Variants in CCSER1 observed in about 807,000 individuals in gnomAD.
CCSER1 encodes the protein serine-rich coiled-coil domain-containing protein 1.
In CCSER1, 41 loss-of-function variants were observed where a neutral mutation model predicts 82.0. The ratio of observed to expected loss-of-function variants is 0.50; its 90% CI spans 0.39 to 0.65. The LOEUF (loss-of-function observed/expected upper bound fraction) is 0.65, where lower values mean the gene tolerates loss of function less well. Ranked by LOEUF, CCSER1 falls within the 30% of genes least tolerant of loss-of-function variation. The pLI is 0.00. For synonymous variants in CCSER1, 414 were observed against 383.9 expected (o/e 1.08, Z -0.92); for missense variants, 1,119 against 1,064.2 (o/e 1.05, Z -0.72).
chr4:90,807,302 T>C (rs11932757), intron 7 of CCSER1, among the ~76,000 whole-genome samples: 51,770 of 152,068 alleles, frequency 0.34, 9,030 homozygotes, highest in East Asian at 0.42. Context: ...ATTTAGAGTC[T>C]AGGAGTATAA....
intron 10 of CCSER1, among the ~76,000 whole-genome samples, chr4:91,098,224 A>G (rs938096664): frequency 4.6e-5 from 7 of 152,216 alleles, no homozygotes; most frequent in African/African-American, 1.4e-4. Context: ...TGCCTTTGCT[A>G]ATAGACTTGG....
At chr4:91,228,733 T>G (rs1199680623) in intron 10 of CCSER1, among the ~76,000 whole-genome samples, 4 of 151,948 alleles carry the variant, frequency 2.6e-5, no homozygotes, top group Non-Finnish European at 5.9e-5. Flanking sequence ...CTTCACCTCA[T>G]AGCAAAAAAA....
chr4:90,891,463 G>T (rs1722962523), intron 8 of CCSER1, among the ~76,000 whole-genome samples: 1 of 151,136 alleles, frequency 6.6e-6, no homozygotes, highest in African/African-American at 2.4e-5. Flanking sequence ...TATTTATAAG[G>T]ATTTAAAAAT....
intron 3 of CCSER1, among the ~76,000 whole-genome samples, chr4:90,360,176 G>A (rs1417582695): frequency 4.7e-5 from 7 of 147,874 alleles, no homozygotes; most frequent in African/African-American, 1.5e-4. Context: ...CTCAGCCTCC[G>A]AAAGTGCTGG....
chr4:90,163,175 T>C (rs1364251510), intron 1 of CCSER1, among the ~76,000 whole-genome samples: 1 of 152,156 alleles, frequency 6.6e-6, no homozygotes, highest in East Asian at 1.9e-4. Flanking sequence ...TTTATGTTTT[T>C]CTGACATTGT....
chr4:90,533,810 CTGAT>C (rs1328034592), intron 5 of CCSER1, among the ~76,000 whole-genome samples: 2 of 152,166 alleles, frequency 1.3e-5, no homozygotes, highest in Non-Finnish European at 2.9e-5. Flanking sequence ...CATTCATTCA[CTGAT>C]TGATTCTTTT....
chr4:90,321,493 C>T (rs59952190), intron 3 of CCSER1, among the ~76,000 whole-genome samples: 13,508 of 152,162 alleles, frequency 0.089, 1,023 homozygotes, highest in East Asian at 0.32. Context: ...ATTGCATGTC[C>T]TGGCTATTGT....
intron 10 of CCSER1, among the ~76,000 whole-genome samples, chr4:91,098,588 C>T (rs1319951194): frequency 6.6e-6 from 1 of 151,114 alleles, no homozygotes; most frequent in Admixed American, 6.6e-5. Context: ...GTTGCCCAGG[C>T]TGGAGAGCAG....
chr4:91,597,424 G>C (rs1204088349), intron 10 of CCSER1, among the ~76,000 whole-genome samples: 1 of 152,008 alleles, frequency 6.6e-6, no homozygotes, highest in East Asian at 1.9e-4. Flanking sequence ...GATGACTTGA[G>C]ATTATATTTT....
intron 3 of CCSER1, among the ~76,000 whole-genome samples, chr4:90,322,274 A>C (rs111506263): frequency 6.6e-6 from 1 of 152,322 alleles, no homozygotes; most frequent in East Asian, 1.9e-4. Context: ...CTTTTGTTGA[A>C]AATGAATTCA....
At chr4:91,143,286 C>T (rs565285514) in intron 10 of CCSER1, among the ~76,000 whole-genome samples, 1 of 151,242 alleles carries the variant, frequency 6.6e-6, no homozygotes, top group South Asian at 2.1e-4. Flanking sequence ...TCAACTTGAA[C>T]ATTATTGGCG....
chr4:90,970,304 A>G (rs1363055818), intron 9 of CCSER1, among the ~76,000 whole-genome samples: 1 of 152,000 alleles, frequency 6.6e-6, no homozygotes, highest in Non-Finnish European at 1.5e-5. Context: ...AAGGGTGAGT[A>G]TAATTATATT....
chr4:90,379,182 T>G (rs1561129669), intron 3 of CCSER1, among the ~76,000 whole-genome samples: 1 of 152,174 alleles, frequency 6.6e-6, no homozygotes, highest in Non-Finnish European at 1.5e-5. Context: ...CGGCAGCTCT[T>G]CAGGACTGCT....
intron 1 of CCSER1, among the ~76,000 whole-genome samples, chr4:90,307,196 A>C (rs1340046793): frequency 1.3e-5 from 2 of 152,068 alleles, no homozygotes; most frequent in African/African-American, 4.8e-5. Flanking sequence ...GCAGTTGATG[A>C]GTTGTAGCTG....
intron 5 of CCSER1, among the ~76,000 whole-genome samples, chr4:90,619,181 AGC>A (rs1721849591): frequency 6.6e-6 from 1 of 151,984 alleles, no homozygotes; most frequent in Non-Finnish European, 1.5e-5. Context: ...AAATTTTGAA[AGC>A]TCTTCAGTAT....
chr4:91,030,419 T>C (rs566760468), intron 9 of CCSER1, among the ~76,000 whole-genome samples: 3 of 152,228 alleles, frequency 2.0e-5, no homozygotes, highest in African/African-American at 7.2e-5. Context: ...TTGAGTCTTA[T>C]TCTGTTTTAA....
intron 1 of CCSER1, among the ~76,000 whole-genome samples, chr4:90,171,531 C>T (rs1280867327): frequency 1.3e-5 from 2 of 151,760 alleles, no homozygotes; most frequent in Non-Finnish European, 2.9e-5. Context: ...GTGTAACTTC[C>T]AAATAATAAA....
intron 9 of CCSER1, among the ~76,000 whole-genome samples, chr4:91,016,684 A>G (rs947259820): frequency 2.6e-5 from 4 of 152,098 alleles, no homozygotes; most frequent in African/African-American, 9.7e-5. Flanking sequence ...TTAAAAATAC[A>G]AAAGGAAATT....
At chr4:91,122,878 A>C (rs1192913353) in intron 10 of CCSER1, among the ~76,000 whole-genome samples, 1 of 151,778 alleles carries the variant, frequency 6.6e-6, no homozygotes, top group African/African-American at 2.4e-5. Context: ...ATCTTGAAGG[A>C]AGACGGTGTT....
Sources: gnomAD v4.1 joint callset for allele counts (sites outside exome capture counted in the v4.1 genomes callset) on GRCh38, gnomAD v4.1.1 for gene constraint, MANE v1.5 for transcripts, NCBI Gene and HGNC (gene_info 2026-07-23, HGNC 2026-07-21) for gene names.